NELL1: variants seen among roughly 807,000 people sequenced by gnomAD.
The protein encoded by NELL1 is protein kinase C-binding protein NELL1.
In NELL1, 76 loss-of-function variants were observed where a neutral mutation model predicts 107.4. The ratio of observed to expected loss-of-function variants is 0.71; its 90% CI spans 0.59 to 0.86. The LOEUF is 0.86. Among genes scored for constraint, NELL1 ranks in the 40% least tolerant of loss-of-function variants. The pLI is 0.00. For missense variants in NELL1, 1,024 were observed against 1,005.5 expected, an observed-to-expected ratio of 1.02 and a Z score of -0.25; for synonymous variants, 353 against 341.2, an observed-to-expected ratio of 1.03 and a Z score of -0.38.
At chr11:21,250,588 T>C (rs1858612864) in intron 14 of NELL1, among the ~76,000 whole-genome samples, 1 of 152,174 alleles carries the variant, frequency 6.6e-6, no homozygotes, top group Admixed American at 6.6e-5. Context: ...CTTTGGCTGA[T>C]AGGAATTTAG....
At chr11:21,068,624 G>C (rs1050090669) in intron 12 of NELL1, among the ~76,000 whole-genome samples, 5 of 152,260 alleles carry the variant, frequency 3.3e-5, no homozygotes, top group Middle Eastern at 3.4e-3. Flanking sequence ...ACATTTGTAC[G>C]CAGAGATAAA....
intron 14 of NELL1, among the ~76,000 whole-genome samples, chr11:21,316,270 G>A (rs964065252): frequency 6.6e-6 from 1 of 152,006 alleles, no homozygotes; most frequent in Non-Finnish European, 1.5e-5. Flanking sequence ...ACTTTTATTT[G>A]ACATCACACC....
chr11:21,223,836 C>T (rs1201015646), intron 13 of NELL1, among the ~76,000 whole-genome samples: 1 of 152,158 alleles, frequency 6.6e-6, no homozygotes, highest in Non-Finnish European at 1.5e-5. Context: ...TTAAGCTTTT[C>T]TCGTAGATCA....
chr11:20,875,026 G>A (rs1172269267), intron 4 of NELL1, among the ~76,000 whole-genome samples: 7 of 152,232 alleles, frequency 4.6e-5, no homozygotes, highest in Admixed American at 3.3e-4. Context: ...TATCTGAGAA[G>A]TTCCTAGAAC....
chr11:20,954,019 A>G (rs767919728), intron 11 of NELL1, among the ~76,000 whole-genome samples: 8 of 152,196 alleles, frequency 5.3e-5, no homozygotes, highest in Non-Finnish European at 8.8e-5. Flanking sequence ...GGAAGAGGAC[A>G]GTGATTAAGA....
chr11:21,035,556 C>G (rs1017058773), intron 12 of NELL1, among the ~76,000 whole-genome samples: 1 of 151,618 alleles, frequency 6.6e-6, no homozygotes. Context: ...AGGCTTTTTC[C>G]CTCGAACGCA....
chr11:21,010,285 T>C (rs1469815868), intron 12 of NELL1, among the ~76,000 whole-genome samples: 1 of 152,132 alleles, frequency 6.6e-6, no homozygotes, highest in Non-Finnish European at 1.5e-5. Flanking sequence ...TGTGCTTGTA[T>C]TGCTATATTT....
In NELL1 at chr11:21,192,136, G is replaced by T. The variant is rs546790755; in HGVS notation, c.1427-37196G>T. ...ATAATTATGGTTCTTTATTTCATATGGCAGGGATGTGTGTTATCTTTTAAT... is the reference window on the plus strand; with the variant it reads ...ATAATTATGGTTCTTTATTTCATATTGCAGGGATGTGTGTTATCTTTTAAT... On this transcript the variant is annotated intron_variant, in intron 13 of 19. Transcript: ENST00000357134. Among the ~76,000 whole-genome samples the T allele has an allele frequency of 5.9e-5, 9 of 151,760 alleles. No homozygotes were observed. In the South Asian group the frequency reaches 1.7e-3, roughly 28 times the overall value.
At position 20,839,277 on chromosome 11, in the gene NELL1, GTGTTTTATT is replaced by G. The variant is rs1848582948; in HGVS notation, c.336-8304_336-8296del. Among the ~76,000 whole-genome samples the G allele has an allele frequency of 2.0e-5, 3 of 152,272 alleles. No homozygotes were observed. The South Asian group carries it at 6.2e-4, about 32-fold the overall frequency. On this transcript the variant is annotated intron_variant, in intron 3 of 19. Transcript: ENST00000357134. ...AATTTTACATTTCATTTAACAGTGA[GTGTTTTATT>G]TTCAATAACAAAGGCAGTTTGTAAT...
intron 15 of NELL1, among the ~76,000 whole-genome samples, chr11:21,478,510 A>G (rs1854405901): frequency 6.6e-6 from 1 of 152,172 alleles, no homozygotes; most frequent in African/African-American, 2.4e-5. Context: ...CTGTAAAATC[A>G]AATGCAGGTA....
At chr11:21,388,507 C>T (rs1851796737) in intron 15 of NELL1, among the ~76,000 whole-genome samples, 1 of 151,804 alleles carries the variant, frequency 6.6e-6, no homozygotes, top group Non-Finnish European at 1.5e-5. Context: ...TAGTCACAGA[C>T]ACTTTCAAAG....
At chr11:21,454,724 T>C (rs1264097593) in intron 15 of NELL1, among the ~76,000 whole-genome samples, 1 of 152,172 alleles carries the variant, frequency 6.6e-6, no homozygotes. Flanking sequence ...AAAGGCCCCA[T>C]TCCTCAGCTG....
At chr11:21,421,977 G>A (rs1028080157) in intron 15 of NELL1, among the ~76,000 whole-genome samples, 3 of 152,178 alleles carry the variant, frequency 2.0e-5, no homozygotes, top group Non-Finnish European at 2.9e-5. Context: ...AGGCCATTGT[G>A]TAGGGGCCTG....
chr11:21,557,895 C>T (rs972557543), intron 16 of NELL1, among the ~76,000 whole-genome samples: 1 of 151,908 alleles, frequency 6.6e-6, no homozygotes, highest in Non-Finnish European at 1.5e-5. Context: ...CTGTTATACT[C>T]AGCACTGGGA....
intron 15 of NELL1, among the ~76,000 whole-genome samples, chr11:21,434,151 C>T (rs1400840691): frequency 6.6e-6 from 1 of 152,104 alleles, no homozygotes; most frequent in Non-Finnish European, 1.5e-5. Context: ...TGTGTCTTCA[C>T]TCTGGTGATT....
chr11:21,146,431 G>A (rs924020084), intron 13 of NELL1, among the ~76,000 whole-genome samples: 8 of 152,150 alleles, frequency 5.3e-5, no homozygotes, highest in African/African-American at 1.4e-4. Flanking sequence ...AGAGAGAGCC[G>A]GGGTCATGGA....
At chr11:21,379,416 T>C (rs544251978) in intron 15 of NELL1, among the ~76,000 whole-genome samples, 20 of 152,202 alleles carry the variant, frequency 1.3e-4, no homozygotes, top group Admixed American at 7.2e-4. Context: ...GCTTTGAACC[T>C]CTCACAGTAT....
chr11:21,206,604 C>G (rs1303652440), intron 13 of NELL1, among the ~76,000 whole-genome samples: 1 of 152,182 alleles, frequency 6.6e-6, no homozygotes, highest in South Asian at 2.1e-4. Context: ...CCCCTCCCCA[C>G]TGCCTTTTCT....
intron 12 of NELL1, among the ~76,000 whole-genome samples, chr11:20,987,404 T>C (rs1014686613): frequency 2.0e-5 from 3 of 152,160 alleles, no homozygotes; most frequent in African/African-American, 7.2e-5. Context: ...TGAGACTGAG[T>C]AATTTATAAA....
Sources: allele counts gnomAD v4.1 joint callset (sites outside exome capture counted in the v4.1 genomes callset), GRCh38; gene constraint gnomAD v4.1.1; transcripts MANE v1.5; gene names NCBI Gene and HGNC (gene_info 2026-07-23, HGNC 2026-07-21).